FAM107B: variants seen among roughly 807,000 people sequenced by gnomAD.
FAM107B encodes the protein protein FAM107B.
FAM107B carries 21 observed loss-of-function variants against 31.5 expected under a neutral mutation model. The observed-to-expected ratio is 0.67, with a 90% CI of 0.47 to 0.96. The LOEUF (loss-of-function observed/expected upper bound fraction) is 0.96, where lower values mean the gene tolerates loss of function less well. FAM107B is among the 40% of genes least tolerant of loss of function. The pLI is 0.00. For missense variants in FAM107B, 452 were observed against 377.1 expected (o/e 1.20, Z -1.64); for synonymous variants, 157 against 141.5 (o/e 1.11, Z -0.78).
chr10:14,596,368 C>T (rs544737628), intron 2 of FAM107B, among the ~76,000 whole-genome samples: 2 of 152,158 alleles, frequency 1.3e-5, no homozygotes, highest in African/African-American at 4.8e-5. Flanking sequence ...TCCATGCAGG[C>T]AGGGAGTCTG....
intron 1 of FAM107B, among the ~76,000 whole-genome samples, chr10:14,762,800 A>G (rs1833082680): frequency 6.7e-6 from 1 of 148,360 alleles, no homozygotes; most frequent in African/African-American, 2.6e-5. Flanking sequence ...ACACACACAC[A>G]CAAAAAGAAC....
chr10:14,629,400 T>A (rs61842735), intron 2 of FAM107B, among the ~76,000 whole-genome samples: 5 of 41,322 alleles, frequency 1.2e-4, no homozygotes, highest in East Asian at 5.2e-4. Flanking sequence ...TAATATATAT[T>A]ATATATTTAA....
At chr10:14,704,641 T>C (rs1275387396) in intron 1 of FAM107B, among the ~76,000 whole-genome samples, 2 of 152,128 alleles carry the variant, frequency 1.3e-5, no homozygotes, top group Admixed American at 6.5e-5. Context: ...AAAATATTTG[T>C]AAATAATGGA....
At chr10:14,689,969 TAGAA>T (rs1452667296) in intron 1 of FAM107B, among the ~76,000 whole-genome samples, 6 of 80,718 alleles carry the variant, frequency 7.4e-5, no homozygotes, top group African/African-American at 1.8e-4. Flanking sequence ...AAAAAAGAAA[TAGAA>T]AGAAAAAAAG....
rs761519489 is a variant in FAM107B at position 14,774,676 on chromosome 10, A to G, written c.-13T>C. 8.1e-6 allele frequency: 13 copies of G among 1,606,066 alleles called. No individual in the cohort carries two copies. Among genetic ancestry groups the G allele is most frequent in the Admixed American group, 6.7e-5 (4 of 59,642 alleles). On this transcript the variant is annotated 5_prime_UTR_variant, in exon 1 of 5. Coordinates refer to ENST00000181796, the MANE Select transcript of FAM107B (RefSeq NM_031453.4). ...TCCACGTGGACATGACTTGCAGTGA[A>G]TCATTGCAAAGTTCAAACGGGGCAA...
At chr10:14,764,469 C>A (rs997212707) in intron 1 of FAM107B, among the ~76,000 whole-genome samples, 1 of 152,198 alleles carries the variant, frequency 6.6e-6, no homozygotes, top group Non-Finnish European at 1.5e-5. Context: ...ACACCTCCCA[C>A]GGCATTTTGA....
chr10:14,533,065 G>A (rs1361740854), intron 2 of FAM107B, among the ~76,000 whole-genome samples: 1 of 152,156 alleles, frequency 6.6e-6, no homozygotes, highest in Non-Finnish European at 1.5e-5. Flanking sequence ...TGGCATTCTG[G>A]TCTTCACCCT....
chr10:14,670,261 T>G (rs1042106967), intron 1 of FAM107B, among the ~76,000 whole-genome samples: 4 of 152,314 alleles, frequency 2.6e-5, no homozygotes, highest in African/African-American at 9.6e-5. Flanking sequence ...TTAAAACCCA[T>G]AGAATAGTAT....
At position 14,555,585 on chromosome 10, in the gene FAM107B, T is replaced by C. The variant is rs535642184; in HGVS notation, c.470-25070A>G. ...GCAAGAAATAAATTTTGTTTTCTCT[T>C]AAAATGTTCACTTCTGAGATAAAGA... On this transcript the variant is annotated intron_variant, in intron 2 of 4. Coordinates refer to ENST00000181796, the MANE Select transcript of FAM107B (RefSeq NM_031453.4). Among the ~76,000 whole-genome samples the C allele has an allele frequency of 2.0e-5, 3 of 152,382 alleles. No homozygotes were observed. The East Asian group carries it at 5.8e-4, about 29-fold the overall frequency.
At chr10:14,551,897 C>T (rs888185006) in intron 2 of FAM107B, among the ~76,000 whole-genome samples, 6 of 151,964 alleles carry the variant, frequency 3.9e-5, no homozygotes, top group Admixed American at 2.6e-4. Flanking sequence ...TCTTGGTGGC[C>T]TGTGACACTA....
At chr10:14,700,337 A>G (rs1855365876) in intron 1 of FAM107B, among the ~76,000 whole-genome samples, 1 of 152,216 alleles carries the variant, frequency 6.6e-6, no homozygotes, top group Admixed American at 6.5e-5. Context: ...AAGCACTGAG[A>G]GATAACCCCT....
intron 1 of FAM107B, among the ~76,000 whole-genome samples, chr10:14,676,634 T>C (rs193028487): frequency 6.6e-6 from 1 of 152,266 alleles, no homozygotes; most frequent in Non-Finnish European, 1.5e-5. Flanking sequence ...CCCACCTCCG[T>C]CTGAAGCTCT....
intron 2 of FAM107B, among the ~76,000 whole-genome samples, chr10:14,641,389 ACCAAGT>A (rs1853623772): frequency 6.6e-6 from 1 of 152,204 alleles, no homozygotes; most frequent in Non-Finnish European, 1.5e-5. Context: ...TAGATGCAAA[ACCAAGT>A]TAGGCTAGTT....
intron 1 of FAM107B, among the ~76,000 whole-genome samples, chr10:14,762,769 C>T (rs957645639): frequency 2.4e-3 from 352 of 147,852 alleles, no homozygotes; most frequent in African/African-American, 8.4e-3. Context: ...CACACACACA[C>T]ACACACACAC....
chr10:14,735,159 C>T (rs1009745490), intron 1 of FAM107B, among the ~76,000 whole-genome samples: 4 of 152,210 alleles, frequency 2.6e-5, no homozygotes, highest in Admixed American at 2.0e-4. Flanking sequence ...CAAGAGCCAA[C>T]GGCCTTTTGT....
chr10:14,611,023 C>T (rs1852711002), intron 2 of FAM107B, among the ~76,000 whole-genome samples: 1 of 152,142 alleles, frequency 6.6e-6, no homozygotes, highest in South Asian at 2.1e-4. Context: ...AACTGCACAT[C>T]GCGAAGAATC....
chr10:14,613,616 A>G (rs1213030970), intron 2 of FAM107B, among the ~76,000 whole-genome samples: 1 of 152,160 alleles, frequency 6.6e-6, no homozygotes, highest in African/African-American at 2.4e-5. Flanking sequence ...TCTCAAATCT[A>G]CATTTTTCTC....
At chr10:14,598,167 C>A (rs1197073960) in intron 2 of FAM107B, among the ~76,000 whole-genome samples, 2 of 152,120 alleles carry the variant, frequency 1.3e-5, no homozygotes, top group African/African-American at 4.8e-5. Context: ...TGTGCAGAAG[C>A]TTTTTAGTTC....
At chr10:14,767,362 G>T (rs1833204846) in intron 1 of FAM107B, among the ~76,000 whole-genome samples, 1 of 151,674 alleles carries the variant, frequency 6.6e-6, no homozygotes, top group Admixed American at 6.6e-5. Context: ...GAAGTCCTGG[G>T]ATTACAGGCA....
Sources: allele counts gnomAD v4.1 joint callset (sites outside exome capture counted in the v4.1 genomes callset), GRCh38; gene constraint gnomAD v4.1.1; transcripts MANE v1.5; gene names NCBI Gene and HGNC (gene_info 2026-07-23, HGNC 2026-07-21).